RNF8: variants seen among roughly 807,000 people sequenced by gnomAD.
RNF8 encodes E3 ubiquitin-protein ligase RNF8.
RNF8 carries 8 observed loss-of-function variants against 59.3 expected under a neutral mutation model. That is an observed-to-expected ratio of 0.13 (90% CI 0.08 to 0.24). The LOEUF (loss-of-function observed/expected upper bound fraction) is 0.24, where lower values mean the gene tolerates loss of function less well. Ranked by LOEUF, RNF8 falls within the 10% of genes least tolerant of loss-of-function variation. RNF8 has a pLI of 1.00. For missense variants in RNF8, 406 were observed against 572.6 expected, an observed-to-expected ratio of 0.71 and a Z score of 2.97; for synonymous variants, 162 against 200.0, an observed-to-expected ratio of 0.81 and a Z score of 1.60.
At chr6:37,389,563 A>G (rs1581702992) in intron 7 of RNF8, among the ~76,000 whole-genome samples, 2 of 152,104 alleles carry the variant, frequency 1.3e-5, no homozygotes, top group South Asian at 2.1e-4. Context: ...ACAGAAGGGC[A>G]TGCTGGAAAG....
intron 7 of RNF8, among the ~76,000 whole-genome samples, chr6:37,382,088 A>G (rs1770290648): frequency 6.6e-6 from 1 of 152,182 alleles, no homozygotes; most frequent in Non-Finnish European, 1.5e-5. Flanking sequence ...CCATCACTCC[A>G]TAAGCATTTA....
Position 37,394,469 on chromosome 6 carries a change from T to G in RNF8, c.*3711T>G, listed in dbSNP as rs1249488086. 1 of 152,204 alleles carries G rather than the reference T, an allele frequency of 6.6e-6. No homozygotes were observed. Among genetic ancestry groups the G allele is most frequent in the Non-Finnish European group, 1.5e-5 (1 of 68,032 alleles). 9.4% of individuals were successfully genotyped at this position (152,204 alleles called of 1,614,324 possible). A position where few individuals can be genotyped will look rare whatever the true frequency, so the allele number is the denominator to read the frequency against. ...AAAGGGCTCAGCCTGTGATAGGCAT[T>G]CAATAAATACTCCAATGCTGTCATT... On this transcript the variant is annotated 3_prime_UTR_variant, in exon 8 of 8. Transcript: ENST00000373479.
At chr6:37,390,710 CATTT>C in intron 7 of RNF8, 28 bp from the exon 8 acceptor site, 2 of 1,542,612 alleles carry the variant, frequency 1.3e-6, no homozygotes, top group Non-Finnish European at 1.8e-6. Flanking sequence ...ACAGGCTCCT[CATTT>C]ATTTATTTCT....
chr6:37,380,773 C>G (rs1437992805), intron 6 of RNF8, among the ~76,000 whole-genome samples: 1 of 151,968 alleles, frequency 6.6e-6, no homozygotes, highest in African/African-American at 2.4e-5. Context: ...ACCTCCATCT[C>G]CTGGGTTCAA....
At chr6:37,359,818 A>AT (rs1455565873) in intron 1 of RNF8, among the ~76,000 whole-genome samples, 1 of 152,216 alleles carries the variant, frequency 6.6e-6, no homozygotes, top group Non-Finnish European at 1.5e-5. Context: ...AATTAAGTTT[A>AT]TTTTTCTTAA....
At chr6:37,381,417 A>G in intron 7 of RNF8, 63 bp downstream of exon 7, 1 of 1,435,362 alleles carries the variant, frequency 7.0e-7, no homozygotes, top group Non-Finnish European at 9.7e-7. Flanking sequence ...AACTTCAACA[A>G]ATATTTTTGG....
At chr6:37,371,808 T>C (rs1769818270) in intron 4 of RNF8, among the ~76,000 whole-genome samples, 1 of 152,140 alleles carries the variant, frequency 6.6e-6, no homozygotes, top group African/African-American at 2.4e-5. Flanking sequence ...GTTGCTCTGG[T>C]GAAGATGGAA....
chr6:37,385,256 G>T (rs1285559604), intron 7 of RNF8, among the ~76,000 whole-genome samples: 1 of 151,138 alleles, frequency 6.6e-6, no homozygotes, highest in African/African-American at 2.4e-5. Flanking sequence ...CAGGTGATCC[G>T]CCCACCTCTG....
Position 37,378,416 on chromosome 6 carries a change from C to T in RNF8, c.1236+1383C>T, listed in dbSNP as rs1335937421. Among the ~76,000 whole-genome samples, 2 of 152,048 alleles carry T rather than the reference C, an allele frequency of 1.3e-5. 1 individual carries two copies. Among genetic ancestry groups the T allele is most frequent in the South Asian group, 4.1e-4 (2 of 4,822 alleles). On this transcript the variant is annotated intron_variant, in intron 6 of 7. Coordinates refer to ENST00000373479, the MANE Select transcript of RNF8 (RefSeq NM_003958.4). ...AAGAGTTCAAGATCAGCCTGGTCAA[C>T]GTGGCAAAACCCCATCTTTACTAAA... is the stretch of plus-strand genomic sequence containing the variant.
chr6:37,390,253 T>C (rs182376022), intron 7 of RNF8, among the ~76,000 whole-genome samples: 97 of 152,288 alleles, frequency 6.4e-4, no homozygotes, highest in Admixed American at 1.7e-3. Flanking sequence ...ATTAATGCTA[T>C]GGAGAAAAAT....
chr6:37,392,660 T>C lies in RNF8; in HGVS notation c.*1902T>C. The C allele has an allele frequency of 2.5e-6, 1 of 398,620 alleles. No individual in the cohort carries two copies. Among genetic ancestry groups the C allele is most frequent in the Non-Finnish European group, 4.4e-6 (1 of 226,062 alleles). 24.7% of individuals were successfully genotyped at this position (398,620 alleles called of 1,614,324 possible). Reference sequence around the variant, plus strand: ...GTTTCCTTTCTTTATTACAGCTGCCTGTTTTTTCATTGTGTATTTGCACCA... The same window carrying C: ...GTTTCCTTTCTTTATTACAGCTGCCCGTTTTTTCATTGTGTATTTGCACCA... On this transcript the variant is annotated 3_prime_UTR_variant, in exon 8 of 8. Transcript: ENST00000373479.
At chr6:37,361,853 G>C (rs1037634601) in intron 2 of RNF8, among the ~76,000 whole-genome samples, 1 of 152,196 alleles carries the variant, frequency 6.6e-6, no homozygotes, top group South Asian at 2.1e-4. Flanking sequence ...CCATGAGCAG[G>C]ATAAAAATTG....
intron 1 of RNF8, among the ~76,000 whole-genome samples, chr6:37,357,483 T>G (rs1255702013): frequency 6.6e-6 from 1 of 152,208 alleles, no homozygotes; most frequent in African/African-American, 2.4e-5. Context: ...CCCTCAAGTA[T>G]TAGCATGTAA....
intron 3 of RNF8, among the ~76,000 whole-genome samples, chr6:37,371,144 T>G (rs149415614): frequency 6.6e-6 from 1 of 152,100 alleles, no homozygotes; most frequent in Non-Finnish European, 1.5e-5. Context: ...ATGTTGTGAG[T>G]GCCAGCACTG....
chr6:37,389,060 A>G lies in RNF8; in HGVS notation c.1442-1682A>G, dbSNP rs1404717848. On this transcript the variant is annotated intron_variant, in intron 7 of 7. Coordinates refer to ENST00000373479, the MANE Select transcript of RNF8 (RefSeq NM_003958.4). ...AAAGCATTTACCAGATTGAAATAAT[A>G]TTTGTTAGTGTACTCTTGCCTCTAG... Among the ~76,000 whole-genome samples the G allele has an allele frequency of 2.6e-5, 4 of 152,138 alleles. No individual in the cohort carries two copies. In the East Asian group the frequency reaches 7.7e-4, roughly 29 times the overall value.
At chr6:37,386,915 TA>T (rs898056473) in intron 7 of RNF8, among the ~76,000 whole-genome samples, 1 of 152,166 alleles carries the variant, frequency 6.6e-6, no homozygotes, top group African/African-American at 2.4e-5. Flanking sequence ...TTTGGCCCTC[TA>T]AAAAATGGAT....
At position 37,368,551 on chromosome 6, in the gene RNF8, G is replaced by A; in HGVS notation, c.308G>A (p.Gly103Glu). 1 of 1,614,120 alleles carries A rather than the reference G, an allele frequency of 6.2e-7. No individual in the cohort carries two copies. Among genetic ancestry groups the A allele is most frequent in the Non-Finnish European group, 8.5e-7 (1 of 1,180,014 alleles). The change falls in exon 3 of 8, where the codon GGA becomes GAA. Residue 103 changes from glycine to glutamate, a missense_variant. Around this residue, in one of 3 missense-constraint regions of RNF8, gnomAD observed 285 missense variants for 342.0 expected, o/e 0.83. Coordinates refer to ENST00000373479, the MANE Select transcript of RNF8 (RefSeq NM_003958.4). Reference sequence around the variant, plus strand: ...TTAAGGGTCTATTCCATTCATCAGGGAGACTACATCCAACTTGGAGTGCCT... The same window carrying A: ...TTAAGGGTCTATTCCATTCATCAGGAAGACTACATCCAACTTGGAGTGCCT... Reference protein sequence around the residue: ...EPLRVYSIHQGDYIQLGVPLE... With the variant: ...EPLRVYSIHQEDYIQLGVPLE...
At chr6:37,363,600 G>C (rs1248322968) in intron 2 of RNF8, among the ~76,000 whole-genome samples, 2 of 152,190 alleles carry the variant, frequency 1.3e-5, no homozygotes, top group African/African-American at 2.4e-5. Context: ...TAAAATTGAA[G>C]ACTAGTGATG....
chr6:37,378,958 C>T (rs1770138762), intron 6 of RNF8, among the ~76,000 whole-genome samples: 1 of 152,154 alleles, frequency 6.6e-6, no homozygotes, highest in Admixed American at 6.5e-5. Flanking sequence ...ACTGTCTTAT[C>T]TACTCTACTG....
Sources: allele counts gnomAD v4.1 joint callset (sites outside exome capture counted in the v4.1 genomes callset), GRCh38; gene constraint gnomAD v4.1.1; regional missense constraint gnomAD v4.1.1; transcripts MANE v1.5; gene names NCBI Gene and HGNC (gene_info 2026-07-23, HGNC 2026-07-21).